The following SHQ1 variants were observed in gnomAD, a reference collection of about 807,000 sequenced individuals.
SHQ1 encodes protein SHQ1 homolog.
A neutral mutation model predicts 53.8 loss-of-function variants in SHQ1; 49 were observed. That is an observed-to-expected ratio of 0.91 (90% CI 0.72 to 1.16). The LOEUF is 1.16. Among genes scored for constraint, SHQ1 ranks in the 50% most tolerant of loss-of-function variants. The probability of loss-of-function intolerance (pLI) is 0.00; values close to 1 mark genes in which losing one functional copy is unlikely to be tolerated. For missense variants in SHQ1, 738 were observed against 683.1 expected (o/e 1.08, Z -0.90); for synonymous variants, 243 against 251.0 (o/e 0.97, Z 0.30).
the SHQ1 span, among the ~76,000 whole-genome samples, chr3:72,729,153 C>T: frequency 1.2e-4 from 19 of 152,314 alleles, no homozygotes; most frequent in African/African-American, 4.3e-4. Context: ...AGGCCCCGAG[C>T]TTTTATCTTG....
chr3:72,738,670 T>C, the SHQ1 span, among the ~76,000 whole-genome samples: 4 of 152,032 alleles, frequency 2.6e-5, no homozygotes, highest in Non-Finnish European at 4.4e-5. Context: ...GTCGCCCCTC[T>C]CCTCCCAGCA....
At chr3:72,808,279 G>A (rs534810441) in intron 9 of SHQ1, among the ~76,000 whole-genome samples, 9 of 152,200 alleles carry the variant, frequency 5.9e-5, no homozygotes, top group Non-Finnish European at 1.2e-4. Context: ...TCATCACCCA[G>A]GCAGCAATCA....
intron 3 of SHQ1, among the ~76,000 whole-genome samples, chr3:72,841,794 C>T (rs1346214810): frequency 6.6e-6 from 1 of 152,188 alleles, no homozygotes; most frequent in East Asian, 1.9e-4. Context: ...AGGGAGCACA[C>T]AACCTAGACC....
intron 10 of SHQ1, among the ~76,000 whole-genome samples, chr3:72,759,483 G>A (rs1249275833): frequency 6.6e-6 from 1 of 152,142 alleles, no homozygotes; most frequent in Non-Finnish European, 1.5e-5. Context: ...TTGAGGTCAG[G>A]AGTTCGAGAC....
intron 6 of SHQ1, 105 bp downstream of exon 6, chr3:72,824,319 T>G (rs1204655436): frequency 6.6e-6 from 9 of 1,355,692 alleles, no homozygotes; most frequent in East Asian, 2.5e-5. Context: ...TATTTTAACA[T>G]TATAAGGCAA....
At chr3:72,761,037 A>G (rs1317204106) in intron 10 of SHQ1, among the ~76,000 whole-genome samples, 1 of 152,220 alleles carries the variant, frequency 6.6e-6, no homozygotes, top group East Asian at 1.9e-4. Flanking sequence ...TTTTCAAAAA[A>G]GTTTATGAGC....
chr3:72,799,425 A>C (rs1380588507), intron 9 of SHQ1, among the ~76,000 whole-genome samples: 2 of 152,226 alleles, frequency 1.3e-5, no homozygotes, highest in African/African-American at 4.8e-5. Context: ...GACCATAAAA[A>C]GAGAGAAGGA....
intron 4 of SHQ1, among the ~76,000 whole-genome samples, chr3:72,833,141 C>T (rs983831994): frequency 6.6e-6 from 1 of 152,098 alleles, no homozygotes; most frequent in Non-Finnish European, 1.5e-5. Flanking sequence ...ATTTCAGATC[C>T]TGTAAAAGAC....
intron 4 of SHQ1, among the ~76,000 whole-genome samples, chr3:72,840,530 C>T (rs537259256): frequency 6.7e-6 from 1 of 149,600 alleles, no homozygotes; most frequent in African/African-American, 2.5e-5. Context: ...CACTGCACTC[C>T]AGCCTTGGCG....
intron 4 of SHQ1, among the ~76,000 whole-genome samples, chr3:72,838,040 A>C (rs957792283): frequency 3.3e-5 from 5 of 152,090 alleles, no homozygotes; most frequent in Non-Finnish European, 5.9e-5. Context: ...TTCAGGATTC[A>C]CTCTTTCAGA....
At chr3:72,782,089 C>T (rs906336681) in intron 10 of SHQ1, among the ~76,000 whole-genome samples, 2 of 152,146 alleles carry the variant, frequency 1.3e-5, no homozygotes, top group African/African-American at 4.8e-5. Flanking sequence ...TGATCCACTT[C>T]ATGAAAGTCC....
At chr3:72,773,681 C>A (rs1705900397) in intron 10 of SHQ1, among the ~76,000 whole-genome samples, 1 of 151,580 alleles carries the variant, frequency 6.6e-6, no homozygotes, top group Non-Finnish European at 1.5e-5. Context: ...GTGGTGAGAC[C>A]AAAAAGAGGG....
At chr3:72,804,089 A>G (rs1706869551) in intron 9 of SHQ1, among the ~76,000 whole-genome samples, 1 of 151,924 alleles carries the variant, frequency 6.6e-6, no homozygotes, top group Non-Finnish European at 1.5e-5. Flanking sequence ...GCTAATTTAA[A>G]AAACATTTTT....
intron 10 of SHQ1, among the ~76,000 whole-genome samples, chr3:72,752,045 A>G (rs1180790474): frequency 6.6e-6 from 1 of 152,194 alleles, no homozygotes; most frequent in African/African-American, 2.4e-5. Context: ...GTTTTTTAAT[A>G]CCTAAAAATG....
the SHQ1 span, among the ~76,000 whole-genome samples, chr3:72,743,931 GA>G: frequency 7.4e-4 from 113 of 152,334 alleles, no homozygotes; most frequent in Non-Finnish European, 7.3e-5. Context: ...AGTGGCAGTT[GA>G]ATGGGGGCCT....
intron 9 of SHQ1, among the ~76,000 whole-genome samples, chr3:72,800,174 AC>A (rs1425592003): frequency 2.0e-5 from 3 of 152,022 alleles, no homozygotes; most frequent in African/African-American, 7.2e-5. Context: ...ACCATGTGAT[AC>A]CCTCTGCCAC....
chr3:72,839,246 CTA>C (rs2106949304), intron 4 of SHQ1, among the ~76,000 whole-genome samples: 1 of 152,296 alleles, frequency 6.6e-6, no homozygotes, highest in East Asian at 1.9e-4. Flanking sequence ...TGACCACAAA[CTA>C]TCTCTTGGCC....
chr3:72,725,384 C>T, the SHQ1 span, among the ~76,000 whole-genome samples: 1 of 152,178 alleles, frequency 6.6e-6, no homozygotes, highest in African/African-American at 2.4e-5. Context: ...TCTGAGCTCC[C>T]ATGCAGCCCA....
intron 10 of SHQ1, among the ~76,000 whole-genome samples, chr3:72,784,592 C>T (rs1706170110): frequency 6.6e-6 from 1 of 152,176 alleles, no homozygotes; most frequent in East Asian, 1.9e-4. Flanking sequence ...CCAGAATAAG[C>T]ACCTTACCAA....
Sources: allele counts gnomAD v4.1 joint callset (sites outside exome capture counted in the v4.1 genomes callset), GRCh38; gene constraint gnomAD v4.1.1; transcripts MANE v1.5; gene names NCBI Gene and HGNC (gene_info 2026-07-23, HGNC 2026-07-21).